Variants in SEPTIN9 observed in about 807,000 individuals in gnomAD.
SEPTIN9 encodes the protein septin-9.
SEPTIN9 carries 13 observed loss-of-function variants against 56.6 expected under a neutral mutation model. The ratio of observed to expected loss-of-function variants is 0.23; its 90% CI spans 0.15 to 0.37. The LOEUF is 0.37. Ranked by LOEUF, SEPTIN9 falls within the 10% of genes least tolerant of loss-of-function variation. The pLI is 1.00. For missense variants in SEPTIN9, 650 were observed against 823.1 expected (o/e 0.79, Z 2.57); for synonymous variants, 332 against 334.1 (o/e 0.99, Z 0.07).
At position 77,456,090 on chromosome 17, in the gene SEPTIN9, A is replaced by G. The variant is rs2144451714; in HGVS notation, c.722-26054A>G. Among the ~76,000 whole-genome samples the G allele has an allele frequency of 6.6e-6, 1 of 151,146 alleles. No individual in the cohort carries two copies. The highest frequency in any genetic ancestry group is 2.0e-4 in the East Asian group (1 of 5,058). ...CTTGTGTGCTGGGGCCGGAGGAAAC[A>G]CTGCCCGTGGCCGGTGTCATCTGCC... On this transcript the variant is annotated intron_variant, in intron 3 of 11. Transcript: ENST00000427177. The surrounding 1 kb of genome is among the most constrained non-coding windows in gnomAD (Gnocchi z 6.0).
chr17:77,443,587 G>A (rs1470878410), intron 3 of SEPTIN9, among the ~76,000 whole-genome samples: 1 of 152,058 alleles, frequency 6.6e-6, no homozygotes, highest in African/African-American at 2.4e-5. Flanking sequence ...CAAGCCAGGA[G>A]TTTGAGACCA....
rs186008473 is a variant in SEPTIN9 at position 77,385,928 on chromosome 17, G to A, written c.77-16131G>A. On this transcript the variant is annotated intron_variant, in intron 2 of 11. Coordinates refer to ENST00000427177, the MANE Select transcript of SEPTIN9 (RefSeq NM_001113491.2). Reference sequence around the variant, plus strand: ...AAACTGCTGGCCCGAGCTAGTGTGCGGAGCTGGGACAGACCTCACCGTGGC... The same window carrying A: ...AAACTGCTGGCCCGAGCTAGTGTGCAGAGCTGGGACAGACCTCACCGTGGC... 2.4e-3 allele frequency among the ~76,000 whole-genome samples: 365 copies of A among 152,314 alleles called. 1 individual carries two copies. Among genetic ancestry groups the A allele is most frequent in the Non-Finnish European group, 4.6e-3 (310 of 68,026 alleles).
At chr17:77,321,610 G>A (rs1219604400) in intron 2 of SEPTIN9, among the ~76,000 whole-genome samples, 1 of 152,044 alleles carries the variant, frequency 6.6e-6, no homozygotes, top group Non-Finnish European at 1.5e-5. Context: ...GGATGGTCTC[G>A]ATCTCCTGAT....
intron 3 of SEPTIN9, among the ~76,000 whole-genome samples, chr17:77,409,427 G>C (rs2036209193): frequency 6.6e-6 from 1 of 152,206 alleles, no homozygotes; most frequent in Non-Finnish European, 1.5e-5. Flanking sequence ...CCGTGCAGTG[G>C]TGAGAGGAAA....
At chr17:77,381,024 T>C (rs949786499) in intron 2 of SEPTIN9, among the ~76,000 whole-genome samples, 5 of 152,198 alleles carry the variant, frequency 3.3e-5, no homozygotes, top group Admixed American at 3.3e-4. Flanking sequence ...TTTCGCAGCC[T>C]CCAACCCATA....
At chr17:77,424,736 T>C (rs1285129729) in intron 3 of SEPTIN9, among the ~76,000 whole-genome samples, 2 of 152,182 alleles carry the variant, frequency 1.3e-5, no homozygotes, top group African/African-American at 4.8e-5. Flanking sequence ...GTAAAATGGG[T>C]TGAATAACAT....
chr17:77,488,612 CA>C (rs1379959774), intron 6 of SEPTIN9, 114 bp from the exon 7 acceptor site: 1 of 1,438,018 alleles, frequency 7.0e-7, no homozygotes, highest in Non-Finnish European at 9.6e-7. Flanking sequence ...CCAGACCTCC[CA>C]GGGCATGCAT....
chr17:77,402,901 C>T lies in SEPTIN9; in HGVS notation c.721+198C>T, dbSNP rs977631670. Reference sequence around the variant, plus strand: ...CTCTCTCTGTCTGATGGGAACATGCCAAGATGCCCCAAGCGGGACTTGAAT... The same window carrying T: ...CTCTCTCTGTCTGATGGGAACATGCTAAGATGCCCCAAGCGGGACTTGAAT... On this transcript the variant is annotated intron_variant, in intron 3 of 11. Transcript: ENST00000427177. The surrounding 1 kb of genome is among the most constrained non-coding windows in gnomAD (Gnocchi z 6.6). Among the ~76,000 whole-genome samples the T allele has an allele frequency of 6.6e-6, 1 of 152,152 alleles. No individual in the cohort carries two copies. The highest frequency in any genetic ancestry group is 1.5e-5 in the Non-Finnish European group (1 of 68,020).
intron 2 of SEPTIN9, chr17:77,373,471 C>T: frequency 1.3e-6 from 2 of 1,522,390 alleles, no homozygotes; most frequent in Non-Finnish European, 1.8e-6. Flanking sequence ...CGCTGCCCTC[C>T]GCGCGACCCG....
intron 2 of SEPTIN9, among the ~76,000 whole-genome samples, chr17:77,337,684 A>G (rs939760187): frequency 6.6e-6 from 1 of 152,184 alleles, no homozygotes; most frequent in Non-Finnish European, 1.5e-5. Flanking sequence ...AATTTAATGT[A>G]TAGAAAGAGT....
rs551431408 is a variant in SEPTIN9, at chr17:77,434,934, C to T, written c.721+32231C>T. Reference sequence around the variant, plus strand: ...GCAGGGGAGCAGAGACCTCACCCTTCCTCTGCCGACATCAGGCTGCCGGTG... The same window carrying T: ...GCAGGGGAGCAGAGACCTCACCCTTTCTCTGCCGACATCAGGCTGCCGGTG... On this transcript the variant is annotated intron_variant, in intron 3 of 11. Coordinates refer to ENST00000427177, the MANE Select transcript of SEPTIN9 (RefSeq NM_001113491.2). The surrounding 1 kb of genome is among the most constrained non-coding windows in gnomAD (Gnocchi z 5.0). Among the ~76,000 whole-genome samples, 1 of 152,300 alleles carries T rather than the reference C, an allele frequency of 6.6e-6. No homozygotes were observed. Among genetic ancestry groups the T allele is most frequent in the South Asian group, 2.1e-4 (1 of 4,822 alleles).
intron 2 of SEPTIN9, among the ~76,000 whole-genome samples, chr17:77,338,343 A>G (rs2033620256): frequency 6.6e-6 from 1 of 152,196 alleles, no homozygotes; most frequent in African/African-American, 2.4e-5. Flanking sequence ...GTCTGCCTCA[A>G]TGTTGATGGC....
In SEPTIN9 at chr17:77,421,406, G is replaced by A. The variant is rs2036697549; in HGVS notation, c.721+18703G>A. 6.6e-6 allele frequency among the ~76,000 whole-genome samples: 1 copy of A among 152,180 alleles called. No homozygotes were observed. The highest frequency in any genetic ancestry group is 2.4e-5 in the African/African-American group (1 of 41,434). Reference sequence around the variant, plus strand: ...CCCTGCCGCCTCTCCCCACAAGACTGGGCTGGATGCTGCTGGGAAAGTCAA... The same window carrying A: ...CCCTGCCGCCTCTCCCCACAAGACTAGGCTGGATGCTGCTGGGAAAGTCAA... On this transcript the variant is annotated intron_variant, in intron 3 of 11. Coordinates refer to ENST00000427177, the MANE Select transcript of SEPTIN9 (RefSeq NM_001113491.2). This position sits in a 1 kb window ranked among gnomAD's most constrained non-coding sequence, Gnocchi z 4.6.
Position 77,450,283 on chromosome 17 carries a change from G to A in SEPTIN9, c.722-31861G>A, listed in dbSNP as rs1022131183. Among the ~76,000 whole-genome samples the A allele has an allele frequency of 1.3e-5, 2 of 152,162 alleles. No homozygotes were observed. The highest frequency in any genetic ancestry group is 2.9e-5 in the Non-Finnish European group (2 of 68,008). On this transcript the variant is annotated intron_variant, in intron 3 of 11. Transcript: ENST00000427177. The surrounding 1 kb of genome is among the most constrained non-coding windows in gnomAD (Gnocchi z 6.0). ...CGGGGCTTCAGTCACCCCCAGCCAC[G>A]TGTGGGGGTGCGGGATGGGAAAGGT...
At chr17:77,340,137 T>C (rs1318818849) in intron 2 of SEPTIN9, among the ~76,000 whole-genome samples, 1 of 151,424 alleles carries the variant, frequency 6.6e-6, no homozygotes, top group Non-Finnish European at 1.5e-5. Context: ...CCCTTTTTTG[T>C]TTTTTTGTTT....
chr17:77,387,835 C>T (rs989010195), intron 2 of SEPTIN9, among the ~76,000 whole-genome samples: 1 of 152,252 alleles, frequency 6.6e-6, no homozygotes, highest in South Asian at 2.1e-4. Flanking sequence ...TCCAGAGGCT[C>T]ATGAATCTGC....
At chr17:77,370,755 C>A (rs1341862720) in intron 2 of SEPTIN9, among the ~76,000 whole-genome samples, 1 of 152,194 alleles carries the variant, frequency 6.6e-6, no homozygotes, top group Non-Finnish European at 1.5e-5. Context: ...ACTGTGTGTC[C>A]AGGCCCTGAG....
intron 2 of SEPTIN9, among the ~76,000 whole-genome samples, chr17:77,353,929 C>T (rs920467513): frequency 4.6e-5 from 7 of 152,040 alleles, no homozygotes; most frequent in East Asian, 3.9e-4. Context: ...CACAAGAACA[C>T]GAAGACCCGA....
chr17:77,282,161 C>T (rs995652584), intron 1 of SEPTIN9, among the ~76,000 whole-genome samples: 15 of 152,240 alleles, frequency 9.9e-5, no homozygotes, highest in African/African-American at 3.6e-4. Context: ...TGGGCCTCAC[C>T]ATGAGCCGGT....
Sources: allele counts gnomAD v4.1 joint callset (sites outside exome capture counted in the v4.1 genomes callset), GRCh38; gene constraint gnomAD v4.1.1; non-coding constraint Gnocchi (gnomAD v3.1); transcripts MANE v1.5; gene names NCBI Gene and HGNC (gene_info 2026-07-23, HGNC 2026-07-21).